The following TARS2 variants were observed in gnomAD, a reference collection of about 807,000 sequenced individuals.
The protein encoded by TARS2 is threonine--tRNA ligase, mitochondrial.
TARS2 carries 61 observed loss-of-function variants against 94.4 expected under a neutral mutation model. The ratio of observed to expected loss-of-function variants is 0.65; its 90% CI spans 0.53 to 0.80. The LOEUF is 0.80. TARS2 is among the 30% of genes least tolerant of loss of function. The probability of loss-of-function intolerance (pLI) is 0.00; values close to 1 mark genes in which losing one functional copy is unlikely to be tolerated. For synonymous variants in TARS2, 359 were observed against 353.4 expected (o/e 1.02, Z -0.18); for missense variants, 704 against 902.5 (o/e 0.78, Z 2.82).
At chr1:150,502,246 C>T (rs1669957467) in intron 13 of TARS2, among the ~76,000 whole-genome samples, 1 of 150,986 alleles carries the variant, frequency 6.6e-6, no homozygotes, top group Non-Finnish European at 1.5e-5. Context: ...TTCCCCGAGA[C>T]AGACTCTTGC....
intron 7 of TARS2, 30 bp downstream of exon 7, chr1:150,492,519 T>A: frequency 6.2e-7 from 1 of 1,610,848 alleles, no homozygotes; most frequent in Non-Finnish European, 8.5e-7. Context: ...TAGGTTAAGA[T>A]TCCTATTTTG....
At chr1:150,504,812 C>T in intron 15 of TARS2, 79 bp downstream of exon 15, 2 of 1,605,532 alleles carry the variant, frequency 1.2e-6, no homozygotes, top group South Asian at 1.1e-5. Context: ...CTTCATATGC[C>T]AGCCTCTTTC....
chr1:150,505,592 C>T lies in TARS2; in HGVS notation c.1895C>T (p.Ala632Val). 2.5e-6 allele frequency: 4 copies of T among 1,613,060 alleles called. No individual in the cohort carries two copies. The highest frequency in any genetic ancestry group is 3.4e-6 in the Non-Finnish European group (4 of 1,179,038). The change falls in exon 17 of 18, where the codon GCA becomes GTA. Residue 632 changes from alanine to valine, a missense_variant and splice_region_variant. Coordinates refer to ENST00000369064, the MANE Select transcript of TARS2 (RefSeq NM_025150.5). ...CCTGTCACCAAACCTCTGTTGCAGG[C>T]ACAGCAGAGCCTGCGGGCTGCAGGA... ...GSEQEEYAKEAQQSLRAAGLV... is the reference protein window; with the variant it reads ...GSEQEEYAKEVQQSLRAAGLV...
chr1:150,490,274 A>G (rs1386874776), intron 3 of TARS2, among the ~76,000 whole-genome samples: 2 of 151,726 alleles, frequency 1.3e-5, no homozygotes, highest in Non-Finnish European at 2.9e-5. Flanking sequence ...ACACGCCACC[A>G]TGCCTGGCTA....
At chr1:150,488,114 C>A in intron 2 of TARS2, 60 bp downstream of exon 2, 1 of 1,561,672 alleles carries the variant, frequency 6.4e-7, no homozygotes, top group Middle Eastern at 1.9e-4. Context: ...TTTCTCTTCA[C>A]TTGAGCAGGG....
Position 150,492,010 on chromosome 1 carries a change from A to G in TARS2, c.695+348A>G, listed in dbSNP as rs951944385. 4 of 219,496 alleles carry G rather than the reference A, an allele frequency of 1.8e-5. No individual in the cohort carries two copies. In the South Asian group the frequency reaches 2.1e-4, roughly 11 times the overall value. The allele number at this position is 219,496 out of a possible 1,614,324, so 13.6% of individuals were successfully genotyped here. A position where few individuals can be genotyped will look rare whatever the true frequency, so the allele number is the denominator to read the frequency against. The stretch of plus-strand genomic sequence containing the variant: ...GAGATGAAGTCTTGTTCTGTCACCC[A>G]GGCTGGAATGCAGTGGCGCGATCTC... On this transcript the variant is annotated intron_variant, in intron 6 of 17. Coordinates refer to ENST00000369064, the MANE Select transcript of TARS2 (RefSeq NM_025150.5).
chr1:150,489,003 T>TGGAGAACC lies in TARS2; in HGVS notation c.304_311dup (p.Tyr105GlufsTer19). 1 of 1,614,212 alleles carries TGGAGAACC rather than the reference T, an allele frequency of 6.2e-7. No individual in the cohort carries two copies. The highest frequency in any genetic ancestry group is 1.3e-5 in the African/African-American group (1 of 75,064). ...ATACTGCAGTGGCTGCTCAAGTGAA[T>TGGAGAACC]GGAGAACCTTATGATCTGGAGCGGC... On this transcript the variant is annotated frameshift_variant, in exon 3 of 18. Coordinates refer to ENST00000369064, the MANE Select transcript of TARS2 (RefSeq NM_025150.5). LOFTEE classifies it high-confidence loss of function.
intron 9 of TARS2, 22 bp from the exon 10 acceptor site, chr1:150,497,508 A>C: frequency 6.2e-7 from 1 of 1,611,316 alleles, no homozygotes; most frequent in African/African-American, 1.3e-5. Flanking sequence ...CTGACCTTCC[A>C]TGTCTGTACC....
chr1:150,498,495 A>C lies in TARS2; in HGVS notation c.1239-7A>C, dbSNP rs973787193. ...ATGGCCCTGACCCCTCTGCACCCCA[A>C]CCTCAGCCTGATGTTCGCCCACCGG... On this transcript the variant is annotated splice_region_variant and splice_polypyrimidine_tract_variant and intron_variant, in intron 10 of 17. Coordinates refer to ENST00000369064, the MANE Select transcript of TARS2 (RefSeq NM_025150.5). 6.4e-7 allele frequency: 1 copy of C among 1,568,410 alleles called. No individual in the cohort carries two copies. The highest frequency in any genetic ancestry group is 1.4e-5 in the African/African-American group (1 of 72,584).
rs761754864 is a variant in TARS2, at chr1:150,504,721, G to A, written c.1808G>A (p.Cys603Tyr). Reference protein sequence around the residue: ...ERLLGVLAESCGGKWPLWLSP... With the variant: ...ERLLGVLAESYGGKWPLWLSP... ...CTGTTGGGAGTGCTGGCAGAAAGCT[G>A]CGGGGGGAAATGGTGAGACCTCTGA... is the stretch of plus-strand genomic sequence containing the variant. The change falls in exon 15 of 18, where the codon TGC (cysteine) becomes TAC (tyrosine). Residue 603 changes from cysteine (C) to tyrosine (Y), a missense_variant. Physicochemically the swap from Cys to Tyr is radical, Grantham distance 194 (BLOSUM62 -2). Transcript: ENST00000369064. 2 of 1,614,222 alleles carry A rather than the reference G, an allele frequency of 1.2e-6. No homozygotes were observed. Among genetic ancestry groups the A allele is most frequent in the Non-Finnish European group, 1.7e-6 (2 of 1,180,048 alleles).
rs587682909 is a variant in TARS2 at position 150,496,939 on chromosome 1, A to C, written c.1020+31A>C. 4 of 1,605,688 alleles carry C rather than the reference A, an allele frequency of 2.5e-6. No homozygotes were observed. The South Asian group carries it at 4.4e-5, about 18-fold the overall frequency. ...GGGACCCAGGTCTAGAGGAAAGAAG[A>C]CCAGGGAGGGGCTGAGGGACTAGAA... On this transcript the variant is annotated intron_variant, in intron 9 of 17. Coordinates refer to ENST00000369064, the MANE Select transcript of TARS2 (RefSeq NM_025150.5).
intron 11 of TARS2, 71 bp downstream of exon 11, chr1:150,498,735 C>A: frequency 6.2e-7 from 1 of 1,608,922 alleles, no homozygotes. Flanking sequence ...CTGCAAACCC[C>A]TGATCTTTAT....
intron 2 of TARS2, 139 bp from the exon 3 acceptor site, chr1:150,488,825 C>G (rs1478218285): frequency 1.5e-6 from 2 of 1,297,106 alleles, no homozygotes; most frequent in Non-Finnish European, 2.1e-6. Context: ...TTTCCAGCCT[C>G]TGGTAACTAT....
In TARS2 at chr1:150,499,035, G is replaced by A. The variant is rs201215911; in HGVS notation, c.1539+1G>A. On this transcript the variant is annotated splice_donor_variant, in intron 12 of 17. Coordinates refer to ENST00000369064, the MANE Select transcript of TARS2 (RefSeq NM_025150.5). LOFTEE classifies it high-confidence loss of function. ...TTGCCTTTGGGACCAGGCCGAACAG[G>A]TGAGTAGGAGGTAGAGAAATAGAGG... 5.6e-6 allele frequency: 9 copies of A among 1,614,044 alleles called. No individual in the cohort carries two copies. The highest frequency in any genetic ancestry group is 1.3e-5 in the African/African-American group (1 of 74,944).
chr1:150,501,343 T>G (rs1669910690), intron 13 of TARS2, among the ~76,000 whole-genome samples: 1 of 135,140 alleles, frequency 7.4e-6, no homozygotes, highest in Non-Finnish European at 1.6e-5. Flanking sequence ...ATTGAGACTA[T>G]GTCTCGCTCT....
chr1:150,495,386 GTTTTA>G (rs1347512098), intron 7 of TARS2, among the ~76,000 whole-genome samples: 3 of 151,462 alleles, frequency 2.0e-5, no homozygotes, highest in South Asian at 2.1e-4. Flanking sequence ...CTGTTTAACA[GTTTTA>G]TTTTATTTCA....
intron 7 of TARS2, 100 bp from the exon 8 acceptor site, chr1:150,496,382 A>C: frequency 1.2e-5 from 17 of 1,407,086 alleles, no homozygotes; most frequent in Non-Finnish European, 1.6e-5. Context: ...GTCAAGAGGC[A>C]TACCTGTGAC....
chr1:150,491,767 G>A, intron 6 of TARS2, 105 bp downstream of exon 6: 1 of 1,233,770 alleles, frequency 8.1e-7, no homozygotes. Flanking sequence ...TGTTGCTCCA[G>A]AAAAAGAAAT....
chr1:150,505,292 T>C (rs1420275525), intron 16 of TARS2, among the ~76,000 whole-genome samples: 3 of 152,074 alleles, frequency 2.0e-5, no homozygotes. Flanking sequence ...GAATTGAGGA[T>C]ATGGATGGTA....
Sources: gnomAD v4.1 joint callset for allele counts (sites outside exome capture counted in the v4.1 genomes callset) on GRCh38, gnomAD v4.1.1 for gene constraint, MANE v1.5 for transcripts, NCBI Gene and HGNC (gene_info 2026-07-23, HGNC 2026-07-21) for gene names.